MTF1: variants seen among roughly 807,000 people sequenced by gnomAD.
The protein encoded by MTF1 is MRE-binding transcription factor.
MTF1 carries 22 observed loss-of-function variants against 70.4 expected under a neutral mutation model. That is an observed-to-expected ratio of 0.31 (90% CI 0.22 to 0.45). MTF1 has a LOEUF of 0.45. Among genes scored for constraint, MTF1 ranks in the 20% least tolerant of loss-of-function variants. MTF1 has a pLI of 1.00. For synonymous variants in MTF1, 333 were observed against 352.8 expected, an observed-to-expected ratio of 0.94 and a Z score of 0.63; for missense variants, 649 against 922.0, an observed-to-expected ratio of 0.70 and a Z score of 3.83.
chr1:37,830,449 T>C (rs9660547), intron 7 of MTF1, among the ~76,000 whole-genome samples: 3,211 of 152,298 alleles, frequency 0.021, 119 homozygotes, highest in African/African-American at 0.073. Context: ...GTTCAATCAT[T>C]ACAAGCATAT....
At chr1:37,816,498 A>G (rs1377665790) in intron 10 of MTF1, among the ~76,000 whole-genome samples, 2 of 152,030 alleles carry the variant, frequency 1.3e-5, no homozygotes, top group African/African-American at 4.8e-5. Flanking sequence ...AACATGGTGA[A>G]ACCTTGTCTC....
chr1:37,832,017 G>T (rs1238058707), intron 7 of MTF1, among the ~76,000 whole-genome samples: 2 of 152,140 alleles, frequency 1.3e-5, no homozygotes, highest in Non-Finnish European at 2.9e-5. Context: ...GAAATTTTCT[G>T]GGGCCAGGTT....
rs1372561073 is a variant in MTF1 at position 37,811,038 on chromosome 1, A to G, written c.*4098T>C. On this transcript the variant is annotated 3_prime_UTR_variant, in exon 11 of 11. Coordinates refer to ENST00000373036, the MANE Select transcript of MTF1 (RefSeq NM_005955.3). ...TCAATGGTTTCAATCACTCTGGAAAAGTCTTTAAGGACAATGGATGTGATT... is the reference window on the plus strand; with the variant it reads ...TCAATGGTTTCAATCACTCTGGAAAGGTCTTTAAGGACAATGGATGTGATT... 2.0e-5 allele frequency: 3 copies of G among 152,680 alleles called. No homozygotes were observed. The highest frequency in any genetic ancestry group is 7.2e-5 in the African/African-American group (3 of 41,456). 9.5% of individuals were successfully genotyped at this position (152,680 alleles called of 1,614,324 possible). A position where few individuals can be genotyped will look rare whatever the true frequency, so the allele number is the denominator to read the frequency against.
intron 2 of MTF1, chr1:37,841,286 C>T (rs1641251492): frequency 6.5e-6 from 1 of 154,452 alleles, no homozygotes. Context: ...CTCCACTGTT[C>T]CTGTTTGGAG....
At chr1:37,824,571 G>A (rs1440284000) in intron 7 of MTF1, among the ~76,000 whole-genome samples, 4 of 152,090 alleles carry the variant, frequency 2.6e-5, no homozygotes, top group Admixed American at 6.6e-5. Context: ...GGTGGCAGGC[G>A]CCTGTAATCC....
chr1:37,859,402 C>T (rs1362619694), intron 1 of MTF1, 129 bp downstream of exon 1: 4 of 397,598 alleles, frequency 1.0e-5, no homozygotes, highest in African/African-American at 2.1e-5. Context: ...CCCATGGAAA[C>T]GGAGAAGGGG....
chr1:37,857,682 T>C lies in MTF1; in HGVS notation c.-24A>G. Reference sequence around the variant, plus strand: ...ATGGTTCAGTTGTGCTCAGCCCAGTTGTGAGAAATGAAAACGTAATGACTT... The same window carrying C: ...ATGGTTCAGTTGTGCTCAGCCCAGTCGTGAGAAATGAAAACGTAATGACTT... On this transcript the variant is annotated 5_prime_UTR_variant, in exon 2 of 11. Coordinates refer to ENST00000373036, the MANE Select transcript of MTF1 (RefSeq NM_005955.3). 1 of 1,606,030 alleles carries C rather than the reference T, an allele frequency of 6.2e-7. No homozygotes were observed. The highest frequency in any genetic ancestry group is 8.5e-7 in the Non-Finnish European group (1 of 1,174,988).
At chr1:37,835,539 T>G in intron 5 of MTF1, 132 bp downstream of exon 5, 1 of 714,946 alleles carries the variant, frequency 1.4e-6, no homozygotes, top group South Asian at 1.8e-5. Flanking sequence ...ACATTCTAGG[T>G]AAGGCTGAGC....
At position 37,814,357 on chromosome 1, in the gene MTF1, A is replaced by G. The variant is rs1410054296; in HGVS notation, c.*779T>C. The G allele has an allele frequency of 6.6e-6, 1 of 152,122 alleles. No individual in the cohort carries two copies. The highest frequency in any genetic ancestry group is 1.5e-5 in the Non-Finnish European group (1 of 68,100). The allele number at this position is 152,122 out of a possible 1,614,324, so 9.4% of individuals were successfully genotyped here. A position where few individuals can be genotyped will look rare whatever the true frequency, so the allele number is the denominator to read the frequency against. On this transcript the variant is annotated 3_prime_UTR_variant, in exon 11 of 11. Transcript: ENST00000373036. ...TCACTGCGATCTGCAAGCCCTGGCA[A>G]CCAACCGAGAGAAAGAACCAGGAAG...
At chr1:37,850,550 A>G (rs995731685) in intron 2 of MTF1, among the ~76,000 whole-genome samples, 3 of 151,462 alleles carry the variant, frequency 2.0e-5, no homozygotes, top group Non-Finnish European at 4.4e-5. Flanking sequence ...AGAAAGAGAA[A>G]AAAAAGGGAG....
chr1:37,834,524 C>A, intron 6 of MTF1: 1 of 290,336 alleles, frequency 3.4e-6, no homozygotes, highest in South Asian at 3.3e-5. Context: ...GAGCAGAGGA[C>A]AGACATTATC....
At chr1:37,833,019 AT>A (rs762210065) in intron 6 of MTF1, among the ~76,000 whole-genome samples, 17 of 150,790 alleles carry the variant, frequency 1.1e-4, no homozygotes, top group Non-Finnish European at 1.8e-4. Context: ...AAAAAAAAAA[AT>A]AATAATAATA....
At chr1:37,824,801 T>TA (rs1346475504) in intron 7 of MTF1, among the ~76,000 whole-genome samples, 2 of 152,180 alleles carry the variant, frequency 1.3e-5, no homozygotes, top group African/African-American at 4.8e-5. Flanking sequence ...TATTCTAGTA[T>TA]GTATGCATGG....
At chr1:37,818,171 C>T (rs1280963096) in intron 9 of MTF1, among the ~76,000 whole-genome samples, 3 of 152,196 alleles carry the variant, frequency 2.0e-5, no homozygotes, top group African/African-American at 7.2e-5. Flanking sequence ...GAAAGTTAAT[C>T]CCCAGTGTGG....
chr1:37,816,217 T>C (rs1327800525), intron 10 of MTF1, among the ~76,000 whole-genome samples: 1 of 152,242 alleles, frequency 6.6e-6, no homozygotes, highest in African/African-American at 2.4e-5. Context: ...CCAGGCTTTG[T>C]GTGTCTTGAC....
In MTF1 at chr1:37,827,336, G is replaced by GTTATTATTATTA. The variant is rs71573764; in HGVS notation, c.1069-3536_1069-3525dup. Among the ~76,000 whole-genome samples the GTTATTATTATTA allele has an allele frequency of 3.2e-4, 46 of 144,084 alleles. 1 individual carries two copies. Among genetic ancestry groups the GTTATTATTATTA allele is most frequent in the African/African-American group, 6.4e-4 (25 of 38,956 alleles). The allele number at this position is 144,084 out of a possible 152,430, so 94.5% of individuals were successfully genotyped here. A position where few individuals can be genotyped will look rare whatever the true frequency, so the allele number is the denominator to read the frequency against. On this transcript the variant is annotated intron_variant, in intron 7 of 10. Coordinates refer to ENST00000373036, the MANE Select transcript of MTF1 (RefSeq NM_005955.3). Reference sequence around the variant, plus strand: ...TAAGCTTTGCAACCTCCTCATAGTTGTTATTATTATTATTATTATTATTAT... The same window carrying GTTATTATTATTA: ...TAAGCTTTGCAACCTCCTCATAGTTGTTATTATTATTATTATTATTATTATTATTATTATTAT...
chr1:37,835,112 T>C lies in MTF1; in HGVS notation c.957A>G (p.Ser319=). The change falls in exon 6 of 11, where the codon TCA becomes TCG. Residue 319 remains serine (S), a synonymous_variant. Transcript: ENST00000373036. The part of the protein sequence containing the change: ...HMKGHDNKGH[S]YNALPQHNGS... The stretch of plus-strand genomic sequence containing the variant: ...CATTGTGTTGTGGAAGTGCATTGTA[T>C]GAGTGTCCTTTGTTATCATGACCTT... 6.2e-7 allele frequency: 1 copy of C among 1,614,200 alleles called. No homozygotes were observed. Among genetic ancestry groups the C allele is most frequent in the African/African-American group, 1.3e-5 (1 of 75,058 alleles).
chr1:37,816,287 G>C (rs1044888388), intron 10 of MTF1, among the ~76,000 whole-genome samples: 1 of 152,152 alleles, frequency 6.6e-6, no homozygotes, highest in Non-Finnish European at 1.5e-5. Context: ...TGTAATCCCT[G>C]TACTTTGGGA....
chr1:37,826,473 A>T lies in MTF1; in HGVS notation c.1069-2661T>A, dbSNP rs1406725741. On this transcript the variant is annotated intron_variant, in intron 7 of 10. Transcript: ENST00000373036. ...TTTTTAAAAATTATTTTTAGTAGAG[A>T]TAAGGTCCTGCTACGTTGCCTAGCC... The T allele has an allele frequency of 7.3e-6, 3 of 412,086 alleles. No individual in the cohort carries two copies. The East Asian group carries it at 2.2e-4, about 31-fold the overall frequency. The allele number at this position is 412,086 out of a possible 1,614,324, so 25.5% of individuals were successfully genotyped here. A position where few individuals can be genotyped will look rare whatever the true frequency, so the allele number is the denominator to read the frequency against.
Sources: allele counts gnomAD v4.1 joint callset (sites outside exome capture counted in the v4.1 genomes callset), GRCh38; gene constraint gnomAD v4.1.1; transcripts MANE v1.5; gene names NCBI Gene and HGNC (gene_info 2026-07-23, HGNC 2026-07-21).